TAFA5: variants seen among roughly 807,000 people sequenced by gnomAD.
TAFA5 encodes chemokine-like protein TAFA-5.
TAFA5 carries 6 observed loss-of-function variants against 15.3 expected under a neutral mutation model. That is an observed-to-expected ratio of 0.39 (90% CI 0.21 to 0.77). TAFA5 has a LOEUF of 0.77. TAFA5 is among the 30% of genes least tolerant of loss of function. The pLI, the probability that TAFA5 is intolerant of heterozygous loss-of-function variation, is 0.41. For missense variants in TAFA5, 161 were observed against 193.1 expected, an observed-to-expected ratio of 0.83 and a Z score of 0.98; for synonymous variants, 103 against 80.7, an observed-to-expected ratio of 1.28 and a Z score of -1.48.
At chr22:48,507,652 G>A (rs1364107269) in intron 1 of TAFA5, among the ~76,000 whole-genome samples, 2 of 152,174 alleles carry the variant, frequency 1.3e-5, no homozygotes, top group Non-Finnish European at 2.9e-5. Context: ...GAGCCAGGAT[G>A]TGCGCTTGGC....
At chr22:48,707,889 ATG>A in intron 3 of TAFA5, 45 bp downstream of exon 3, 1 of 1,594,730 alleles carries the variant, frequency 6.3e-7, no homozygotes, top group African/African-American at 1.3e-5. Context: ...GGGAGGGGGT[ATG>A]TGTGTGCGGG....
At chr22:48,672,190 C>T (rs756913432) in intron 2 of TAFA5, among the ~76,000 whole-genome samples, 9 of 152,168 alleles carry the variant, frequency 5.9e-5, no homozygotes, top group Non-Finnish European at 1.2e-4. Context: ...TTTTTGGACT[C>T]CTGATTGTTA....
chr22:48,676,574 A>G (rs1251661111), intron 2 of TAFA5, among the ~76,000 whole-genome samples: 3 of 152,186 alleles, frequency 2.0e-5, no homozygotes, highest in African/African-American at 7.2e-5. Context: ...TGTGATGTCC[A>G]GTTCTTTTGT....
At chr22:48,670,810 G>T (rs1049783360) in intron 2 of TAFA5, among the ~76,000 whole-genome samples, 3 of 152,236 alleles carry the variant, frequency 2.0e-5, no homozygotes, top group African/African-American at 7.2e-5. Context: ...GAGACCATCA[G>T]GAGCCGTGGC....
chr22:48,744,739 G>C (rs1482076856), intron 3 of TAFA5, among the ~76,000 whole-genome samples: 3 of 152,152 alleles, frequency 2.0e-5, no homozygotes, highest in Non-Finnish European at 4.4e-5. Flanking sequence ...TGGGAGGCAG[G>C]GGGCGGGTTC....
intron 3 of TAFA5, among the ~76,000 whole-genome samples, chr22:48,738,918 C>T (rs1281914105): frequency 6.6e-6 from 1 of 152,208 alleles, no homozygotes; most frequent in African/African-American, 2.4e-5. Context: ...AATGCATTGT[C>T]ACCGGCTCCT....
chr22:48,597,120 A>T (rs1924793412), intron 1 of TAFA5, among the ~76,000 whole-genome samples: 1 of 152,204 alleles, frequency 6.6e-6, no homozygotes, highest in Admixed American at 6.5e-5. Context: ...TTTTTAAAGA[A>T]CACCAAAAAA....
chr22:48,698,934 CTTTTTTTTTTTT>C (rs745562520), intron 2 of TAFA5, among the ~76,000 whole-genome samples: 1 of 94,710 alleles, frequency 1.1e-5, no homozygotes. Flanking sequence ...TGTGGCAATG[CTTTTTTTTTTTT>C]TTTTTTTTTT....
intron 1 of TAFA5, among the ~76,000 whole-genome samples, chr22:48,645,350 G>A (rs543423680): frequency 6.6e-6 from 1 of 152,310 alleles, no homozygotes; most frequent in South Asian, 2.1e-4. Context: ...TACCAGCAGA[G>A]TGGTATCTTA....
chr22:48,520,749 C>T (rs1416312027), intron 1 of TAFA5, among the ~76,000 whole-genome samples: 1 of 152,148 alleles, frequency 6.6e-6, no homozygotes, highest in African/African-American at 2.4e-5. Context: ...GGCAGCCTTC[C>T]CTGATGTTGC....
intron 2 of TAFA5, among the ~76,000 whole-genome samples, chr22:48,694,749 C>G (rs1049168246): frequency 3.3e-5 from 5 of 151,356 alleles, no homozygotes; most frequent in Non-Finnish European, 5.9e-5. Context: ...TCCAAGACCA[C>G]CAAGGGCTGC....
chr22:48,609,183 T>G lies in TAFA5; in HGVS notation c.113-37414T>G, dbSNP rs183940300. On this transcript the variant is annotated intron_variant, in intron 1 of 3. Coordinates refer to ENST00000402357, the MANE Select transcript of TAFA5 (RefSeq NM_001082967.3). ...GTGTGTTCTGAGGAGGAACCTCTAC[T>G]TGGGTGGGAAATGCACGTCTCCCAG... 1.6e-3 allele frequency among the ~76,000 whole-genome samples: 248 copies of G among 152,280 alleles called. 4 individuals are homozygous for G. The highest frequency in any genetic ancestry group is 0.015 in the Admixed American group (224 of 15,302).
At chr22:48,605,465 A>ATGATGG (rs1555891917) in intron 1 of TAFA5, among the ~76,000 whole-genome samples, 4,066 of 124,110 alleles carry the variant, frequency 0.033, 202 homozygotes, top group African/African-American at 0.11. Flanking sequence ...GGTGATGGTA[A>ATGATGG]TGATGATGTT....
At chr22:48,698,383 G>A (rs987746364) in intron 2 of TAFA5, among the ~76,000 whole-genome samples, 1 of 150,132 alleles carries the variant, frequency 6.7e-6, no homozygotes, top group African/African-American at 2.5e-5. Context: ...AAGGGAATCA[G>A]TTGATGATGG....
intron 2 of TAFA5, among the ~76,000 whole-genome samples, chr22:48,676,440 T>G (rs955454311): frequency 2.0e-5 from 3 of 152,214 alleles, no homozygotes; most frequent in Admixed American, 2.0e-4. Context: ...TCATCCCTGC[T>G]TTGTCTTTCC....
intron 1 of TAFA5, among the ~76,000 whole-genome samples, chr22:48,532,012 C>T (rs539987179): frequency 4.6e-5 from 7 of 152,364 alleles, no homozygotes; most frequent in African/African-American, 1.7e-4. Flanking sequence ...CGTTTCCTGT[C>T]TGCACAGCTG....
chr22:48,561,599 C>T (rs1302565215), intron 1 of TAFA5, among the ~76,000 whole-genome samples: 1 of 152,186 alleles, frequency 6.6e-6, no homozygotes, highest in East Asian at 1.9e-4. Context: ...GTTGGCAGGG[C>T]TGGAATGCTT....
chr22:48,665,491 C>G (rs1431289034), intron 2 of TAFA5, among the ~76,000 whole-genome samples: 3 of 152,164 alleles, frequency 2.0e-5, no homozygotes, highest in Non-Finnish European at 2.9e-5. Context: ...CTCTCGCGTT[C>G]TTGTCCCAGC....
intron 1 of TAFA5, among the ~76,000 whole-genome samples, chr22:48,629,121 G>T (rs540792576): frequency 1.3e-5 from 2 of 152,172 alleles, no homozygotes; most frequent in African/African-American, 4.8e-5. Flanking sequence ...GTGCTCTGGG[G>T]CCCCAGCGGC....
Sources: gnomAD v4.1 joint callset for allele counts (sites outside exome capture counted in the v4.1 genomes callset) on GRCh38, gnomAD v4.1.1 for gene constraint, MANE v1.5 for transcripts, NCBI Gene and HGNC (gene_info 2026-07-23, HGNC 2026-07-21) for gene names.